Variants in CC2D2A observed in about 807,000 individuals in gnomAD.
CC2D2A encodes coiled-coil and C2 domain-containing protein 2A.
A neutral mutation model predicts 212.9 loss-of-function variants in CC2D2A; 155 were observed. That is an observed-to-expected ratio of 0.73 (90% CI 0.64 to 0.83). The LOEUF is 0.83. Ranked by LOEUF, CC2D2A falls within the 40% of genes least tolerant of loss-of-function variation. The pLI, the probability that CC2D2A is intolerant of heterozygous loss-of-function variation, is 0.00. For missense variants in CC2D2A, 1,856 were observed against 1,956.2 expected (o/e 0.95, Z 0.97); for synonymous variants, 667 against 686.5 (o/e 0.97, Z 0.44).
chr4:15,474,849 CA>C (rs1714071718), intron 1 of CC2D2A, among the ~76,000 whole-genome samples: 1 of 152,052 alleles, frequency 6.6e-6, no homozygotes, highest in African/African-American at 2.4e-5. Context: ...GAATCATTGG[CA>C]AAAGCAGTTG....
rs777510836 is a variant in CC2D2A at position 15,538,029 on chromosome 4, A to G, written c.1895A>G (p.Gln632Arg). 5.0e-6 allele frequency: 8 copies of G among 1,608,600 alleles called. No homozygotes were observed. The African/African-American group carries it at 5.3e-5, about 11-fold the overall frequency. Residue 632 changes from glutamine (Q) to arginine (R), a missense_variant, in exon 16 of 37, where the codon CAG becomes CGG. Coordinates refer to ENST00000424120, the MANE Select transcript of CC2D2A (RefSeq NM_001378615.1). ...PEPTDRAVIE[Q>R]EVRERAAQSR... is the part of the protein sequence containing the mutation. ...CCCACTGATCGGGCAGTGATAGAGCAGGAGGTGAGGGAGAGAGCAGCCCAG... is the reference window on the plus strand; with the variant it reads ...CCCACTGATCGGGCAGTGATAGAGCGGGAGGTGAGGGAGAGAGCAGCCCAG...
Position 15,550,979 on chromosome 4 carries a change from T to A in CC2D2A, c.2337T>A (p.Ser779Arg). 1 of 1,585,964 alleles carries A rather than the reference T, an allele frequency of 6.3e-7. No homozygotes were observed. The highest frequency in any genetic ancestry group is 1.1e-5 in the South Asian group (1 of 88,536). The stretch of plus-strand genomic sequence containing the variant: ...CACTGGACCACGAGGGAGTTGGAAG[T>A]GGTATGGAAAGCTAATATCTTCAAT... ...HVTLDHEGVG[S>R]GVPFSFEADG... is the part of the protein sequence containing the mutation. Residue 779 changes from serine to arginine, a missense_variant and splice_region_variant, in exon 18 of 37, where the codon AGT (serine) becomes AGA (arginine). Physicochemically the swap from Ser to Arg is moderately radical, Grantham distance 110. This residue lies in a region of CC2D2A where 1,512 missense variants were observed against 1,579.3 expected (regional missense o/e 0.96). Transcript: ENST00000424120.
chr4:15,530,847 G>A (rs1394890418), intron 13 of CC2D2A, among the ~76,000 whole-genome samples: 1 of 150,838 alleles, frequency 6.6e-6, no homozygotes, highest in African/African-American at 2.4e-5. Flanking sequence ...CCCTCCACTG[G>A]TGCAGTTAAC....
At chr4:15,583,328 T>C (rs971963424) in intron 30 of CC2D2A, among the ~76,000 whole-genome samples, 1 of 152,336 alleles carries the variant, frequency 6.6e-6, no homozygotes, top group East Asian at 1.9e-4. Flanking sequence ...TACTGAAAGT[T>C]CTAGCTAGAG....
chr4:15,560,579 C>G lies in CC2D2A; in HGVS notation c.2971C>G (p.Leu991Val), dbSNP rs1719532352. ...TTTCTTAATTGCAAAACAATATTTT[C>G]TTCTTGCTGATATGATAGTAGAAGA... ...NRFLIAKQYF[L>V]LADMIVEEEV... Residue 991 changes from leucine (L) to valine (V), a missense_variant, in exon 23 of 37, where the codon CTT becomes GTT. Transcript: ENST00000424120. The G allele has an allele frequency of 6.5e-7, 1 of 1,531,468 alleles. No individual in the cohort carries two copies. The highest frequency in any genetic ancestry group is 9.0e-7 in the Non-Finnish European group (1 of 1,115,584). The allele number at this position is 1,531,468 out of a possible 1,614,324, so 94.9% of individuals were successfully genotyped here. A position where few individuals can be genotyped will look rare whatever the true frequency, so the allele number is the denominator to read the frequency against.
At chr4:15,489,495 G>A (rs1715183940) in intron 4 of CC2D2A, among the ~76,000 whole-genome samples, 1 of 152,174 alleles carries the variant, frequency 6.6e-6, no homozygotes, top group African/African-American at 2.4e-5. Context: ...TAATACGTAT[G>A]AATAAATATT....
intron 4 of CC2D2A, among the ~76,000 whole-genome samples, chr4:15,497,016 C>G (rs1416235235): frequency 2.6e-5 from 4 of 152,124 alleles, no homozygotes; most frequent in Non-Finnish European, 5.9e-5. Context: ...CAGTGCTATT[C>G]CTATCAAACT....
At chr4:15,541,050 G>A in intron 17 of CC2D2A, 36 bp downstream of exon 17, 2 of 1,487,572 alleles carry the variant, frequency 1.3e-6, no homozygotes, top group Non-Finnish European at 1.8e-6. Context: ...GCCGGGCACT[G>A]TGGCTCATGC....
In CC2D2A at chr4:15,502,562, C is replaced by A. The variant is rs1479684022; in HGVS notation, c.336+45C>A. 2.0e-6 allele frequency: 3 copies of A among 1,485,256 alleles called. No homozygotes were observed. The South Asian group carries it at 3.7e-5, about 18-fold the overall frequency. 92.0% of individuals were successfully genotyped at this position (1,485,256 alleles called of 1,614,324 possible). On this transcript the variant is annotated intron_variant, in intron 5 of 36. Transcript: ENST00000424120. Reference sequence around the variant, plus strand: ...TATTCTGTTCAGTGCTGATTGCAATCTTCCAGGGCTTGTCTAGCTTACTTT... The same window carrying A: ...TATTCTGTTCAGTGCTGATTGCAATATTCCAGGGCTTGTCTAGCTTACTTT...
rs571163168 is a variant in CC2D2A, at chr4:15,546,793, G to C, written c.2182-4031G>C. Among the ~76,000 whole-genome samples, 7 of 152,324 alleles carry C rather than the reference G, an allele frequency of 4.6e-5. No individual in the cohort carries two copies. In the East Asian group the frequency reaches 1.2e-3, roughly 25 times the overall value. On this transcript the variant is annotated intron_variant, in intron 17 of 36. Transcript: ENST00000424120. ...GGTGGTTGAGGGCTGGTAGGAAGTC[G>C]GGTGGCGGCTGCAGGGAAGATGGGT...
At chr4:15,581,310 A>G (rs1298944966) in intron 30 of CC2D2A, among the ~76,000 whole-genome samples, 1 of 152,242 alleles carries the variant, frequency 6.6e-6, no homozygotes, top group African/African-American at 2.4e-5. Context: ...AATTTCTCCC[A>G]GTAGAGAACA....
intron 4 of CC2D2A, among the ~76,000 whole-genome samples, chr4:15,496,879 A>T (rs559870566): frequency 2.8e-4 from 43 of 152,252 alleles, no homozygotes; most frequent in African/African-American, 1.0e-3. Flanking sequence ...TCTCTACTAG[A>T]AGAATTACAA....
chr4:15,599,105 G>T (rs1721458587), intron 35 of CC2D2A, among the ~76,000 whole-genome samples: 1 of 151,952 alleles, frequency 6.6e-6, no homozygotes. Flanking sequence ...AGGATGCAGT[G>T]AGCTGTGATT....
chr4:15,493,659 C>G (rs1217568507), intron 4 of CC2D2A, among the ~76,000 whole-genome samples: 1 of 152,174 alleles, frequency 6.6e-6, no homozygotes, highest in Non-Finnish European at 1.5e-5. Flanking sequence ...ACTTGTATCA[C>G]CATCTGACAT....
intron 1 of CC2D2A, among the ~76,000 whole-genome samples, chr4:15,471,960 G>A (rs1483750795): frequency 6.6e-6 from 1 of 152,176 alleles, no homozygotes; most frequent in Non-Finnish European, 1.5e-5. Flanking sequence ...TCTGCACTGA[G>A]TAAAATAAAT....
rs778516067 is a variant in CC2D2A, at chr4:15,479,297, G to A, written c.123+491G>A. Reference sequence around the variant, plus strand: ...CCGCAGGAGTTCCCCTCCTAGGCTGGGAGCATCCCGTGCAGGGTAAATCTT... The same window carrying A: ...CCGCAGGAGTTCCCCTCCTAGGCTGAGAGCATCCCGTGCAGGGTAAATCTT... On this transcript the variant is annotated intron_variant, in intron 3 of 36. Transcript: ENST00000424120. The A allele has an allele frequency of 1.1e-5, 17 of 1,537,156 alleles. No homozygotes were observed. The African/African-American group carries it at 2.3e-4, about 21-fold the overall frequency.
At chr4:15,475,858 G>A (rs1714177780) in intron 1 of CC2D2A, 57 bp from the exon 2 acceptor site, 2 of 1,342,800 alleles carry the variant, frequency 1.5e-6, no homozygotes, top group Non-Finnish European at 2.1e-6. Flanking sequence ...TCCATAGTAA[G>A]AGAAGCAATA....
chr4:15,588,189 T>TC (rs1488632980), intron 32 of CC2D2A, among the ~76,000 whole-genome samples: 1 of 152,138 alleles, frequency 6.6e-6, no homozygotes. Flanking sequence ...CCCACCTAGC[T>TC]CTGTCCTTTT....
At position 15,553,151 on chromosome 4, in the gene CC2D2A, T is replaced by TCC. The variant is rs948844672; in HGVS notation, c.2339-4_2339-3dup. On this transcript the variant is annotated splice_polypyrimidine_tract_variant and splice_region_variant and intron_variant, in intron 18 of 36. Coordinates refer to ENST00000424120, the MANE Select transcript of CC2D2A (RefSeq NM_001378615.1). ...ACAGCATCCTGTTTAATCTGGTGTTTCCCCAGGAGTGCCCTTCTCATTTGA... is the reference window on the plus strand; with the variant it reads ...ACAGCATCCTGTTTAATCTGGTGTTTCCCCCCAGGAGTGCCCTTCTCATTTGA... The TCC allele has an allele frequency of 5.7e-6, 9 of 1,587,354 alleles. No homozygotes were observed. Among genetic ancestry groups the TCC allele is most frequent in the Non-Finnish European group, 7.7e-6 (9 of 1,170,538 alleles).
Sources: allele counts gnomAD v4.1 joint callset (sites outside exome capture counted in the v4.1 genomes callset), GRCh38; gene constraint gnomAD v4.1.1; regional missense constraint gnomAD v4.1.1; transcripts MANE v1.5; gene names NCBI Gene and HGNC (gene_info 2026-07-23, HGNC 2026-07-21).